Variants in DDHD2 observed in about 807,000 individuals in gnomAD.
The protein encoded by DDHD2 is DDHD domain containing 2, also known as triacylglycerol hydrolase DDHD2.
A neutral mutation model predicts 91.2 loss-of-function variants in DDHD2; 62 were observed. That is an observed-to-expected ratio of 0.68 (90% confidence interval 0.55 to 0.84). The LOEUF (loss-of-function observed/expected upper bound fraction) is 0.84. Ranked by LOEUF, DDHD2 falls within the 40% of genes least tolerant of loss-of-function variation. The pLI is 0.00. For synonymous variants in DDHD2, 271 were observed against 293.9 expected, an observed-to-expected ratio of 0.92 and a Z score of 0.80; for missense variants, 740 against 846.9, an observed-to-expected ratio of 0.87 and a Z score of 1.57.
downstream of DDHD2, among the ~76,000 whole-genome samples, chr8:38,265,917 T>TA (rs1807515557): frequency 1.3e-5 from 2 of 152,236 alleles, no homozygotes; most frequent in South Asian, 4.1e-4. Context: ...AACTTGAACT[T>TA]ACAATGCTTC....
In DDHD2 at chr8:38,233,073, G is replaced by T; in HGVS notation, c.79G>T (p.Glu27Ter). The T allele has an allele frequency of 6.2e-7, 1 of 1,614,142 alleles. No homozygotes were observed. Among genetic ancestry groups the T allele is most frequent in the Non-Finnish European group, 8.5e-7 (1 of 1,180,034 alleles). The change falls in exon 2 of 18, where the codon GAG becomes TAG. Residue 27 changes from glutamate (E) to a stop codon, truncating the protein, a stop_gained. Coordinates refer to ENST00000397166, the MANE Select transcript of DDHD2 (RefSeq NM_015214.3). LOFTEE classifies it high-confidence loss of function. ...SPSPNSCSSFELIDMDAGSLY... is the reference protein window; with the variant it reads ...SPSPNSCSSF ...GTCACCAAACTCATGTAGTTCCTTTGAGCTAATAGACATGGATGCTGGCAG... is the reference window on the plus strand; with the variant it reads ...GTCACCAAACTCATGTAGTTCCTTTTAGCTAATAGACATGGATGCTGGCAG...
At chr8:38,268,935 G>C in intron 1 of DDHD2, 1 of 1,563,244 alleles carries the variant, frequency 6.4e-7, no homozygotes, top group Non-Finnish European at 8.6e-7. Context: ...TTCCGGTAGA[G>C]CCACATCTCC....
chr8:38,238,322 C>T (rs1376809411), intron 5 of DDHD2, 113 bp downstream of exon 5: 2 of 1,506,652 alleles, frequency 1.3e-6, no homozygotes, highest in Non-Finnish European at 1.8e-6. Flanking sequence ...CATCTTTAAT[C>T]ATATGGGTTT....
chr8:38,250,101 G>A (rs1246626602), intron 11 of DDHD2: 1 of 176,632 alleles, frequency 5.7e-6, no homozygotes. Flanking sequence ...ATTTTTAATA[G>A]AGACGGTGTT....
At chr8:38,238,964 G>T (rs1229712183) in intron 5 of DDHD2, 1 of 152,380 alleles carries the variant, frequency 6.6e-6, no homozygotes, top group Non-Finnish European at 1.5e-5. Context: ...CACACACAGA[G>T]AATCATAAAG....
chr8:38,243,990 A>T (rs576986801), intron 7 of DDHD2, among the ~76,000 whole-genome samples: 1 of 151,074 alleles, frequency 6.6e-6, no homozygotes, highest in South Asian at 2.1e-4. Flanking sequence ...TTTGGTAGAG[A>T]CAGGGTTTCT....
At chr8:38,267,901 CT>C in intron 1 of DDHD2, 2 of 1,614,002 alleles carry the variant, frequency 1.2e-6, no homozygotes, top group Non-Finnish European at 1.7e-6. Context: ...ACTTACCTCC[CT>C]ACGATCAGTT....
intron 13 of DDHD2, 138 bp from the exon 14 acceptor site, chr8:38,252,584 G>A (rs1254724472): frequency 2.9e-6 from 2 of 693,454 alleles, no homozygotes; most frequent in Non-Finnish European, 4.7e-6. Flanking sequence ...GAAGGCTACA[G>A]TGAGCCATGA....
chr8:38,248,171 G>A (rs558272743), intron 10 of DDHD2, among the ~76,000 whole-genome samples: 6 of 152,116 alleles, frequency 3.9e-5, no homozygotes, highest in Admixed American at 2.0e-4. Flanking sequence ...TGTTATTTGC[G>A]AGTAGCTGGG....
intron 7 of DDHD2, among the ~76,000 whole-genome samples, chr8:38,244,619 G>T (rs1467624695): frequency 6.6e-6 from 1 of 151,358 alleles, no homozygotes; most frequent in South Asian, 2.1e-4. Flanking sequence ...GGGCTGGAGT[G>T]CAATGGCACA....
chr8:38,268,110 C>T, intron 1 of DDHD2: 2 of 1,460,712 alleles, frequency 1.4e-6, no homozygotes, highest in Non-Finnish European at 9.0e-7. Flanking sequence ...AGTGATCACT[C>T]TTTTGTAGCC....
chr8:38,245,630 C>A, intron 7 of DDHD2, 112 bp from the exon 8 acceptor site: 1 of 993,356 alleles, frequency 1.0e-6, no homozygotes, highest in Non-Finnish European at 1.5e-6. Flanking sequence ...TTGTTTTTTC[C>A]TATAAATCGA....
At chr8:38,265,432 T>G (rs1408232360), downstream of DDHD2, 1 of 151,708 alleles carries the variant, frequency 6.6e-6, no homozygotes, top group Admixed American at 6.6e-5. Flanking sequence ...TAGCTGGGAT[T>G]AAAGGCGTGT....
chr8:38,268,941 TCTC>T (rs1307988857), intron 1 of DDHD2: 11 of 1,560,266 alleles, frequency 7.1e-6, no homozygotes, highest in South Asian at 2.3e-5. Context: ...TAGAGCCACA[TCTC>T]CTCCGGCTGG....
chr8:38,232,874 T>G, intron 1 of DDHD2, 113 bp from the exon 2 acceptor site: 1 of 660,090 alleles, frequency 1.5e-6, no homozygotes, highest in Non-Finnish European at 2.6e-6. Context: ...GTAGATTTTG[T>G]TGTTGTTGTT....
At chr8:38,238,900 T>C (rs1393642445) in intron 5 of DDHD2, 1 of 164,206 alleles carries the variant, frequency 6.1e-6, no homozygotes. Context: ...TGATGATGTA[T>C]GTAGTCTGCT....
intron 2 of DDHD2, 41 bp from the exon 3 acceptor site, chr8:38,234,353 T>G: frequency 7.0e-7 from 1 of 1,435,482 alleles, no homozygotes; most frequent in South Asian, 1.4e-5. Flanking sequence ...GAGATTTATT[T>G]TGAAATATGT....
At chr8:38,239,416 A>C (rs1486662993) in intron 5 of DDHD2, among the ~76,000 whole-genome samples, 1 of 146,970 alleles carries the variant, frequency 6.8e-6, no homozygotes, top group Non-Finnish European at 1.5e-5. Context: ...AAAAAAGGCC[A>C]AGTGTGTTGG....
Position 38,239,511 on chromosome 8 carries a change from C to A in DDHD2, c.623-764C>A, listed in dbSNP as rs567069770. On this transcript the variant is annotated intron_variant, in intron 5 of 17. Transcript: ENST00000397166. ...CCATTCTGGCTAACACGGTGAAACA[C>A]CCTGTCTCTACTAAAACTACAAAAA... is the stretch of plus-strand genomic sequence containing the variant. 3.3e-5 allele frequency among the ~76,000 whole-genome samples: 5 copies of A among 150,352 alleles called. No individual in the cohort carries two copies. In the South Asian group the frequency reaches 6.3e-4, roughly 19 times the overall value.
Sources: gnomAD v4.1 joint callset for allele counts (sites outside exome capture counted in the v4.1 genomes callset) on GRCh38, gnomAD v4.1.1 for gene constraint, MANE v1.5 for transcripts, NCBI Gene and HGNC (gene_info 2026-07-23, HGNC 2026-07-21) for gene names.